SGCD: variants seen among roughly 807,000 people sequenced by gnomAD.
SGCD encodes delta-sarcoglycan.
Under a neutral mutation model 36.6 loss-of-function variants are expected in SGCD, and 18 were observed. That is an observed-to-expected ratio of 0.49 (90% CI 0.34 to 0.73). SGCD has a LOEUF of 0.73. Ranked by LOEUF, SGCD falls within the 30% of genes least tolerant of loss-of-function variation. The pLI, the probability that SGCD is intolerant of heterozygous loss-of-function variation, is 0.01. For missense variants in SGCD, 387 were observed against 346.7 expected (o/e 1.12, Z -0.92); for synonymous variants, 133 against 130.6 (o/e 1.02, Z -0.12).
the SGCD span, among the ~76,000 whole-genome samples, chr5:155,776,260 G>T: frequency 3.8e-4 from 58 of 152,218 alleles, no homozygotes; most frequent in African/African-American, 1.4e-3. Flanking sequence ...GGGGGACTCA[G>T]TCTGGCCCTG....
intron 7 of SGCD, among the ~76,000 whole-genome samples, chr5:156,713,510 C>T (rs562173073): frequency 5.3e-5 from 8 of 152,254 alleles, no homozygotes; most frequent in Middle Eastern, 6.8e-3. Flanking sequence ...TCAGAAGGAA[C>T]AGACAGGAGC....
At chr5:155,829,793 G>A in the SGCD span, among the ~76,000 whole-genome samples, 1 of 152,078 alleles carries the variant, frequency 6.6e-6, no homozygotes, top group South Asian at 2.1e-4. Context: ...TGTGGGTATA[G>A]TTTCATACAA....
chr5:156,540,758 C>T (rs1296130844), intron 4 of SGCD, among the ~76,000 whole-genome samples: 1 of 152,186 alleles, frequency 6.6e-6, no homozygotes, highest in Non-Finnish European at 1.5e-5. Flanking sequence ...GCTTTTTACC[C>T]AATTGCCTTG....
chr5:155,733,962 T>C, the SGCD span, among the ~76,000 whole-genome samples: 1 of 151,754 alleles, frequency 6.6e-6, no homozygotes, highest in Non-Finnish European at 1.5e-5. Context: ...TTGTTAAATA[T>C]TTGCTATGTG....
chr5:156,023,725 A>G (rs1043037139), intron 1 of SGCD, among the ~76,000 whole-genome samples: 4 of 152,210 alleles, frequency 2.6e-5, no homozygotes, highest in African/African-American at 9.6e-5. Context: ...GCAAGGAGCT[A>G]TGGGTACCTG....
intron 6 of SGCD, among the ~76,000 whole-genome samples, chr5:156,636,645 G>C (rs75192516): frequency 1.3e-5 from 2 of 152,132 alleles, no homozygotes; most frequent in Non-Finnish European, 2.9e-5. Context: ...AAAAGGAAAG[G>C]AAAAGTACTT....
intron 3 of SGCD, among the ~76,000 whole-genome samples, chr5:156,410,186 C>T (rs1016228276): frequency 6.6e-6 from 1 of 152,152 alleles, no homozygotes; most frequent in African/African-American, 2.4e-5. Flanking sequence ...GGTATATATA[C>T]ACCATGGAAT....
chr5:156,623,379 A>T (rs1762328422), intron 6 of SGCD, among the ~76,000 whole-genome samples: 2 of 152,208 alleles, frequency 1.3e-5, no homozygotes, highest in African/African-American at 4.8e-5. Flanking sequence ...GCCCAAATAC[A>T]TCCTTGACAT....
intron 3 of SGCD, among the ~76,000 whole-genome samples, chr5:156,275,791 T>C (rs1056084503): frequency 1.3e-5 from 2 of 152,202 alleles, no homozygotes; most frequent in Admixed American, 6.5e-5. Flanking sequence ...TATGCTATCA[T>C]TGAGGGGCCA....
intron 1 of SGCD, among the ~76,000 whole-genome samples, chr5:155,995,986 CAAAAAAA>C (rs753195795): frequency 6.5e-5 from 3 of 46,276 alleles, no homozygotes; most frequent in East Asian, 6.8e-4. Flanking sequence ...CAGACCACAC[CAAAAAAA>C]AAAAAAAAAA....
At chr5:156,157,074 T>A (rs1195786966) in intron 3 of SGCD, among the ~76,000 whole-genome samples, 3 of 151,640 alleles carry the variant, frequency 2.0e-5, no homozygotes, top group African/African-American at 4.9e-5. Context: ...GCAAGAAGAA[T>A]GAGATATGTC....
At chr5:156,359,267 T>G (rs1393472855) in intron 3 of SGCD, among the ~76,000 whole-genome samples, 2 of 152,198 alleles carry the variant, frequency 1.3e-5, no homozygotes, top group Non-Finnish European at 2.9e-5. Flanking sequence ...CTTTCTTCAT[T>G]GGCACAAAAC....
intron 1 of SGCD, among the ~76,000 whole-genome samples, chr5:155,914,305 A>G (rs111802543): frequency 8.5e-5 from 13 of 152,276 alleles, no homozygotes; most frequent in African/African-American, 3.1e-4. Flanking sequence ...GCCTCCCAGC[A>G]TCTAGTGTTA....
intron 1 of SGCD, among the ~76,000 whole-genome samples, chr5:155,893,531 C>A (rs1180906193): frequency 2.0e-5 from 3 of 152,156 alleles, no homozygotes; most frequent in Admixed American, 2.0e-4. Flanking sequence ...AATATCTTTG[C>A]TTTTGTTTGT....
At position 156,508,822 on chromosome 5, in the gene SGCD, A is replaced by G. The variant is rs114461470; in HGVS notation, c.294+120A>G. ...GGTGGGGAGTAATACTGGTATTAAGATGAATTTGCTTTCTCTTCTGAATCT... is the reference window on the plus strand; with the variant it reads ...GGTGGGGAGTAATACTGGTATTAAGGTGAATTTGCTTTCTCTTCTGAATCT... On this transcript the variant is annotated intron_variant, in intron 4 of 8. Coordinates refer to ENST00000337851, the MANE Select transcript of SGCD (RefSeq NM_000337.6). 1,398 of 564,384 alleles carry G rather than the reference A, an allele frequency of 2.5e-3. 13 individuals are homozygous for G. The highest frequency in any genetic ancestry group is 0.022 in the African/African-American group (1,188 of 53,082). The allele number at this position is 564,384 out of a possible 1,614,324, so 35.0% of individuals were successfully genotyped here. A position where few individuals can be genotyped will look rare whatever the true frequency, so the allele number is the denominator to read the frequency against.
At chr5:156,434,439 T>C (rs1402799261) in intron 3 of SGCD, among the ~76,000 whole-genome samples, 1 of 152,202 alleles carries the variant, frequency 6.6e-6, no homozygotes, top group Non-Finnish European at 1.5e-5. Context: ...GCCTTTATTT[T>C]TCAGCCCTTG....
At chr5:156,548,080 T>C (rs1462291599) in intron 4 of SGCD, among the ~76,000 whole-genome samples, 3 of 152,218 alleles carry the variant, frequency 2.0e-5, no homozygotes, top group African/African-American at 7.2e-5. Flanking sequence ...ACTGCTTCTT[T>C]ATTTATGTCC....
chr5:156,669,069 G>T (rs1261135221), intron 7 of SGCD, among the ~76,000 whole-genome samples: 1 of 152,144 alleles, frequency 6.6e-6, no homozygotes, highest in East Asian at 1.9e-4. Context: ...GTCAAGGAAT[G>T]CTAATGGACA....
intron 1 of SGCD, among the ~76,000 whole-genome samples, chr5:155,954,147 C>A (rs368855404): frequency 1.3e-5 from 2 of 152,146 alleles, no homozygotes; most frequent in African/African-American, 4.8e-5. Flanking sequence ...GATCTAAAGA[C>A]CTTCTGTACT....
Sources: gnomAD v4.1 joint callset for allele counts (sites outside exome capture counted in the v4.1 genomes callset) on GRCh38, gnomAD v4.1.1 for gene constraint, MANE v1.5 for transcripts, NCBI Gene and HGNC (gene_info 2026-07-23, HGNC 2026-07-21) for gene names.